The following SNTG1 variants were observed in gnomAD, a reference collection of about 807,000 sequenced individuals.
SNTG1 encodes the protein gamma-1-syntrophin.
In SNTG1, 39 loss-of-function variants were observed where a neutral mutation model predicts 74.7. The ratio of observed to expected loss-of-function variants is 0.52; its 90% confidence interval spans 0.40 to 0.68. The LOEUF is 0.68. Ranked by LOEUF, SNTG1 falls within the 30% of genes least tolerant of loss-of-function variation. The pLI is 0.00. For missense variants in SNTG1, 685 were observed against 609.5 expected (o/e 1.12, Z -1.30); for synonymous variants, 254 against 217.1 (o/e 1.17, Z -1.49).
intron 17 of SNTG1, among the ~76,000 whole-genome samples, chr8:50,721,273 C>T (rs982055338): frequency 3.9e-5 from 6 of 152,136 alleles, no homozygotes; most frequent in African/African-American, 1.4e-4. Context: ...AGCTTTGTAC[C>T]TGTATTGTAA....
chr8:49,984,554 G>A (rs1455952503), intron 1 of SNTG1, among the ~76,000 whole-genome samples: 1 of 152,006 alleles, frequency 6.6e-6, no homozygotes, highest in Non-Finnish European at 1.5e-5. Flanking sequence ...AATGACTTGA[G>A]ATATAAAATT....
rs780971521 is a variant in SNTG1 at position 50,536,772 on chromosome 8, G to A, written c.644G>A (p.Arg215His). The A allele has an allele frequency of 1.2e-5, 20 of 1,613,880 alleles. No homozygotes were observed. The highest frequency in any genetic ancestry group is 2.2e-5 in the East Asian group (1 of 44,886). ...AGACTGATCCCTCTACTTCATTCGC[G>A]CTTCTCTCAGTATGTGCCCGGCACA... ...DLRLIPLLHS[R>H]FSQYVPGTDL... Residue 215 changes from arginine to histidine, a missense_variant, in exon 11 of 19, where the codon CGC (arginine) becomes CAC (histidine). Arg to His is a conservative substitution (Grantham distance 29). Coordinates refer to ENST00000642720, the MANE Select transcript of SNTG1 (RefSeq NM_018967.5).
At chr8:50,347,249 C>A (rs1020125211) in intron 2 of SNTG1, among the ~76,000 whole-genome samples, 7 of 152,140 alleles carry the variant, frequency 4.6e-5, no homozygotes, top group Non-Finnish European at 1.0e-4. Flanking sequence ...AATCCTAGGG[C>A]TCTTAAGAAT....
chr8:50,377,415 G>A lies in SNTG1; in HGVS notation c.-27-16797G>A, dbSNP rs548208661. On this transcript the variant is annotated intron_variant, in intron 2 of 18. Coordinates refer to ENST00000642720, the MANE Select transcript of SNTG1 (RefSeq NM_018967.5). ...GAGGAGAACAATTTTGCAAAATAGG[G>A]TATTCTTCAGTTTTTTGGAAAACGT... Among the ~76,000 whole-genome samples, 380 of 152,052 alleles carry A rather than the reference G, an allele frequency of 2.5e-3. 2 individuals carry two copies. The highest frequency in any genetic ancestry group is 8.7e-3 in the African/African-American group (362 of 41,492).
At chr8:50,174,390 C>T (rs1340597648) in intron 2 of SNTG1, among the ~76,000 whole-genome samples, 1 of 152,100 alleles carries the variant, frequency 6.6e-6, no homozygotes, top group Admixed American at 6.6e-5. Context: ...ATTTCTGGTT[C>T]TAGATCCTTG....
At chr8:50,003,854 G>T (rs956934435) in intron 1 of SNTG1, among the ~76,000 whole-genome samples, 1 of 152,138 alleles carries the variant, frequency 6.6e-6, no homozygotes, top group East Asian at 1.9e-4. Flanking sequence ...TAACTTCCAG[G>T]TGTCTCTCTC....
chr8:50,252,383 G>C (rs535463835), intron 2 of SNTG1, among the ~76,000 whole-genome samples: 1 of 152,030 alleles, frequency 6.6e-6, no homozygotes, highest in South Asian at 2.1e-4. Context: ...ACAAAATAGA[G>C]ACTAAAATAA....
intron 1 of SNTG1, among the ~76,000 whole-genome samples, chr8:50,067,509 G>C (rs1015529514): frequency 6.6e-6 from 1 of 152,032 alleles, no homozygotes; most frequent in Non-Finnish European, 1.5e-5. Flanking sequence ...GAAATTAATC[G>C]GTTTCTCAAA....
chr8:50,039,715 G>A (rs966134293), intron 1 of SNTG1, among the ~76,000 whole-genome samples: 1 of 151,970 alleles, frequency 6.6e-6, no homozygotes, highest in African/African-American at 2.4e-5. Flanking sequence ...TCCTCTGAGT[G>A]CTTTAATGGA....
chr8:50,265,641 G>C (rs1393535523), intron 2 of SNTG1, among the ~76,000 whole-genome samples: 1 of 151,974 alleles, frequency 6.6e-6, no homozygotes, highest in Non-Finnish European at 1.5e-5. Context: ...CAAGAATATG[G>C]AATAATAGGC....
At chr8:50,316,399 T>C (rs2090320191) in intron 2 of SNTG1, among the ~76,000 whole-genome samples, 1 of 152,144 alleles carries the variant, frequency 6.6e-6, no homozygotes, top group Admixed American at 6.5e-5. Flanking sequence ...AACACGTCTG[T>C]CGGAAAGAGG....
chr8:50,485,491 T>G (rs2093783612), intron 8 of SNTG1, among the ~76,000 whole-genome samples: 1 of 152,174 alleles, frequency 6.6e-6, no homozygotes, highest in South Asian at 2.1e-4. Flanking sequence ...TCTGTTCATG[T>G]CCTTCACCCA....
intron 1 of SNTG1, among the ~76,000 whole-genome samples, chr8:50,007,994 A>G (rs1475584130): frequency 1.3e-5 from 2 of 152,034 alleles, no homozygotes; most frequent in Non-Finnish European, 2.9e-5. Context: ...TGAACTCACT[A>G]TCATGAGAGC....
intron 1 of SNTG1, among the ~76,000 whole-genome samples, chr8:50,045,248 G>A (rs1337114275): frequency 6.6e-6 from 1 of 152,066 alleles, no homozygotes; most frequent in African/African-American, 2.4e-5. Context: ...GGTTTAATTG[G>A]CTCATTTTTT....
At chr8:50,309,870 G>T (rs116059704) in intron 2 of SNTG1, among the ~76,000 whole-genome samples, 3,113 of 152,214 alleles carry the variant, frequency 0.02, 112 homozygotes, top group African/African-American at 0.069. Flanking sequence ...TTCGCTGTCC[G>T]CAAACTCCAT....
Position 50,115,609 on chromosome 8 carries a change from T to C in SNTG1, c.-102-56952T>C, listed in dbSNP as rs970895656. On this transcript the variant is annotated intron_variant, in intron 1 of 18. Transcript: ENST00000642720. The stretch of plus-strand genomic sequence containing the variant: ...AAAACGAGATGGTTGAAGGCCTTTG[T>C]AGGAAAGTTGCTATGATACTCTGCA... 3.9e-5 allele frequency among the ~76,000 whole-genome samples: 5 copies of C among 129,180 alleles called. No individual in the cohort carries two copies. In the East Asian group the frequency reaches 1.4e-3, roughly 35 times the overall value. The allele number at this position is 129,180 out of a possible 152,430, so 84.7% of individuals were successfully genotyped here. A position where few individuals can be genotyped will look rare whatever the true frequency, so the allele number is the denominator to read the frequency against.
chr8:50,357,620 A>G (rs2091855109), intron 2 of SNTG1, among the ~76,000 whole-genome samples: 1 of 152,210 alleles, frequency 6.6e-6, no homozygotes, highest in African/African-American at 2.4e-5. Context: ...CAGCCTTGAT[A>G]CTGAAGCAGG....
At chr8:50,237,736 G>C (rs185201697) in intron 2 of SNTG1, among the ~76,000 whole-genome samples, 1 of 151,942 alleles carries the variant, frequency 6.6e-6, no homozygotes, top group Admixed American at 6.6e-5. Context: ...CTCAAATTTG[G>C]CCAATAAGAA....
chr8:50,282,525 T>A (rs1038604921), intron 2 of SNTG1, among the ~76,000 whole-genome samples: 1 of 152,174 alleles, frequency 6.6e-6, no homozygotes, highest in African/African-American at 2.4e-5. Context: ...CTAGACCATG[T>A]TTTTCCCCCA....
Sources: gnomAD v4.1 joint callset for allele counts (sites outside exome capture counted in the v4.1 genomes callset) on GRCh38, gnomAD v4.1.1 for gene constraint, MANE v1.5 for transcripts, NCBI Gene and HGNC (gene_info 2026-07-23, HGNC 2026-07-21) for gene names.